Variants in MEI1 observed in about 807,000 individuals in gnomAD.
MEI1 encodes the protein meiotic double-stranded break formation protein 1, also known as meiosis inhibitor protein 1.
MEI1 carries 103 observed loss-of-function variants against 146.2 expected under a neutral mutation model. The ratio of observed to expected loss-of-function variants is 0.70; its 90% CI spans 0.60 to 0.83. The LOEUF is 0.83. Ranked by LOEUF, MEI1 falls within the 40% of genes least tolerant of loss-of-function variation. MEI1 has a pLI of 0.00. For missense variants in MEI1, 1,529 were observed against 1,533.0 expected (o/e 1.00, Z 0.04); for synonymous variants, 652 against 628.2 (o/e 1.04, Z -0.57).
intron 22 of MEI1, among the ~76,000 whole-genome samples, chr22:41,779,283 C>CA (rs202049341): frequency 0.015 from 2,287 of 151,838 alleles, 53 homozygotes; most frequent in African/African-American, 0.051. Context: ...CCTGTCTCTA[C>CA]AAAAAAAATA....
At chr22:41,753,318 G>T (rs544453293) in intron 16 of MEI1, among the ~76,000 whole-genome samples, 2 of 149,106 alleles carry the variant, frequency 1.3e-5, no homozygotes, top group South Asian at 2.1e-4. Flanking sequence ...GTTTTGTGTT[G>T]TTTTTTTTTT....
intron 26 of MEI1, 24 bp from the exon 27 acceptor site, chr22:41,793,805 G>C (rs755562710): frequency 3.7e-6 from 5 of 1,354,078 alleles, no homozygotes; most frequent in Admixed American, 2.1e-5. Flanking sequence ...AACCTGACCT[G>C]ATTTTTTTTT....
chr22:41,716,991 A>G (rs533285041), intron 5 of MEI1, among the ~76,000 whole-genome samples: 2 of 151,794 alleles, frequency 1.3e-5, no homozygotes, highest in African/African-American at 2.4e-5. Context: ...GCCCGGCTCC[A>G]TTCATTCTTT....
chr22:41,763,130 C>T (rs2074610878), intron 18 of MEI1, 44 bp from the exon 19 acceptor site: 3 of 1,603,984 alleles, frequency 1.9e-6, no homozygotes, highest in African/African-American at 1.3e-5. Context: ...GCCCAGTGGC[C>T]TGCCAACTCT....
intron 7 of MEI1, among the ~76,000 whole-genome samples, chr22:41,726,565 A>G (rs919114841): frequency 5.9e-5 from 9 of 152,176 alleles, no homozygotes; most frequent in Non-Finnish European, 2.9e-5. Context: ...ATGGATACAT[A>G]TCATATTTCT....
intron 13 of MEI1, among the ~76,000 whole-genome samples, chr22:41,745,303 T>C (rs1327409021): frequency 2.0e-5 from 3 of 152,094 alleles, no homozygotes; most frequent in Non-Finnish European, 4.4e-5. Context: ...TGCCATGAGG[T>C]TGTGTCTTAT....
intron 11 of MEI1, among the ~76,000 whole-genome samples, chr22:41,741,518 G>T (rs777355731): frequency 6.6e-6 from 1 of 152,168 alleles, no homozygotes; most frequent in Non-Finnish European, 1.5e-5. Flanking sequence ...GAATCTGAGG[G>T]TTCAAATGGG....
intron 26 of MEI1, among the ~76,000 whole-genome samples, chr22:41,790,521 G>A (rs1249509535): frequency 1.3e-5 from 2 of 152,098 alleles, no homozygotes; most frequent in African/African-American, 4.8e-5. Context: ...ATTCAGCTGT[G>A]AATTGAGTAT....
intron 7 of MEI1, 70 bp downstream of exon 7, chr22:41,724,143 C>T (rs2071108777): frequency 3.2e-6 from 5 of 1,548,560 alleles, no homozygotes; most frequent in Non-Finnish European, 3.5e-6. Flanking sequence ...TGGGCCTTGT[C>T]TTCATCTACC....
intron 18 of MEI1, among the ~76,000 whole-genome samples, chr22:41,760,311 A>G (rs1319179815): frequency 6.6e-6 from 1 of 151,182 alleles, no homozygotes; most frequent in Non-Finnish European, 1.5e-5. Context: ...CTCTGTCTCA[A>G]AAAAAAATAA....
At chr22:41,712,222 G>C (rs1373043608) in intron 3 of MEI1, among the ~76,000 whole-genome samples, 111 of 49,992 alleles carry the variant, frequency 2.2e-3, no homozygotes, top group African/African-American at 0.013. Flanking sequence ...AAAAAGCATT[G>C]TGTTTTTTTT....
chr22:41,798,225 GCACACA>G (rs138708111), intron 30 of MEI1, among the ~76,000 whole-genome samples: 7 of 147,190 alleles, frequency 4.8e-5, no homozygotes, highest in African/African-American at 1.5e-4. Flanking sequence ...ATGGCCAGGT[GCACACA>G]CACACACACA....
Position 41,755,871 on chromosome 22 carries a change from A to T in MEI1, c.1951+1825A>T, listed in dbSNP as rs1157993832. Among the ~76,000 whole-genome samples, 10 of 152,252 alleles carry T rather than the reference A, an allele frequency of 6.6e-5. No individual in the cohort carries two copies. In the South Asian group the frequency reaches 2.1e-3, roughly 32 times the overall value. ...ACCAAATTGCTGTGGGACATGCGCT[A>T]TCCTCACCCTCTGCTTGCCCAGGAC... is the stretch of plus-strand genomic sequence containing the variant. On this transcript the variant is annotated intron_variant, in intron 17 of 30. Coordinates refer to ENST00000401548, the MANE Select transcript of MEI1 (RefSeq NM_152513.4).
Position 41,743,879 on chromosome 22 carries a change from AT to A in MEI1, c.1446+696del, listed in dbSNP as rs879553619. 1.8e-3 allele frequency among the ~76,000 whole-genome samples: 262 copies of A among 145,000 alleles called. 1 individual carries two copies. The highest frequency in any genetic ancestry group is 2.2e-3 in the Non-Finnish European group (142 of 65,742). On this transcript the variant is annotated intron_variant, in intron 12 of 30. Coordinates refer to ENST00000401548, the MANE Select transcript of MEI1 (RefSeq NM_152513.4). ...TTAGGGTCCCTCCAACACTGCTACC[AT>A]TTTTTTTTTTCCCGAGATGGAGTCT...
At chr22:41,761,387 T>C (rs2074481554) in intron 18 of MEI1, among the ~76,000 whole-genome samples, 1 of 148,750 alleles carries the variant, frequency 6.7e-6, no homozygotes, top group Admixed American at 6.7e-5. Flanking sequence ...CAATCTCGGC[T>C]CACTGCAAGC....
chr22:41,783,774 A>T (rs554908999), intron 24 of MEI1, among the ~76,000 whole-genome samples: 6 of 152,272 alleles, frequency 3.9e-5, no homozygotes, highest in Non-Finnish European at 7.4e-5. Flanking sequence ...TTGGCCTCCC[A>T]GCTCAAGTGA....
chr22:41,731,501 A>G (rs1037060463), intron 9 of MEI1, among the ~76,000 whole-genome samples: 2 of 148,424 alleles, frequency 1.3e-5, no homozygotes, highest in Non-Finnish European at 3.0e-5. Context: ...ATTAGAGGCG[A>G]CTGCCAGCAC....
intron 18 of MEI1, among the ~76,000 whole-genome samples, chr22:41,759,146 C>T (rs2074287431): frequency 6.6e-6 from 1 of 151,326 alleles, no homozygotes; most frequent in Non-Finnish European, 1.5e-5. Flanking sequence ...GACTCCATTT[C>T]AAAAAGGATA....
At chr22:41,749,896 TG>T (rs1338872588) in intron 15 of MEI1, among the ~76,000 whole-genome samples, 1 of 149,010 alleles carries the variant, frequency 6.7e-6, no homozygotes, top group Non-Finnish European at 1.5e-5. Context: ...GGATCTGGTT[TG>T]GGGGGGTCAG....
Sources: allele counts gnomAD v4.1 joint callset (sites outside exome capture counted in the v4.1 genomes callset), GRCh38; gene constraint gnomAD v4.1.1; transcripts MANE v1.5; gene names NCBI Gene and HGNC (gene_info 2026-07-23, HGNC 2026-07-21).